Variants in XPR1 observed in about 807,000 individuals in gnomAD.
The protein encoded by XPR1 is xenotropic and polytropic retrovirus receptor 1, also known as solute carrier family 53 member 1.
A neutral mutation model predicts 87.5 loss-of-function variants in XPR1; 28 were observed. That is an observed-to-expected ratio of 0.32 (90% confidence interval 0.24 to 0.44). The LOEUF is 0.44. XPR1 is among the 20% of genes least tolerant of loss of function. The probability of loss-of-function intolerance (pLI) is 1.00; values close to 1 mark genes in which losing one functional copy is unlikely to be tolerated. For synonymous variants in XPR1, 300 were observed against 306.1 expected (o/e 0.98, Z 0.21); for missense variants, 559 against 862.3 (o/e 0.65, Z 4.41).
intron 13 of XPR1, among the ~76,000 whole-genome samples, chr1:180,877,056 C>T (rs967057871): frequency 7.9e-5 from 12 of 152,124 alleles, no homozygotes; most frequent in African/African-American, 2.9e-4. Flanking sequence ...TAAAAACAGT[C>T]ATAACAACTA....
At chr1:180,655,664 G>T in intron 1 of XPR1, among the ~76,000 whole-genome samples, 1 of 151,992 alleles carries the variant, frequency 6.6e-6, no homozygotes, top group East Asian at 1.9e-4. Flanking sequence ...TCTTATGCTA[G>T]ATCCAGTATT....
chr1:180,687,290 A>G (rs988199820), intron 2 of XPR1, among the ~76,000 whole-genome samples: 4 of 152,120 alleles, frequency 2.6e-5, no homozygotes, highest in African/African-American at 4.8e-5. Context: ...TCTTTCAGCT[A>G]TTATTAGAGA....
At chr1:180,684,113 G>A (rs1277016382) in intron 2 of XPR1, among the ~76,000 whole-genome samples, 2 of 152,314 alleles carry the variant, frequency 1.3e-5, no homozygotes, top group East Asian at 1.9e-4. Context: ...TGACATTTAA[G>A]TCTTTAATCC....
At chr1:180,785,941 C>G (rs1298310623) in intron 2 of XPR1, among the ~76,000 whole-genome samples, 2 of 146,962 alleles carry the variant, frequency 1.4e-5, no homozygotes, top group East Asian at 3.9e-4. Flanking sequence ...GCAAACTCAG[C>G]TTTAAAAAAA....
intron 2 of XPR1, among the ~76,000 whole-genome samples, chr1:180,702,010 T>C (rs1435957254): frequency 5.6e-4 from 52 of 93,276 alleles, no homozygotes; most frequent in Non-Finnish European, 8.5e-4. Flanking sequence ...GCTTTTCTAG[T>C]TCTTTTAATT....
intron 2 of XPR1, among the ~76,000 whole-genome samples, chr1:180,693,958 GT>G (rs1657079346): frequency 6.6e-6 from 1 of 152,044 alleles, no homozygotes; most frequent in Non-Finnish European, 1.5e-5. Context: ...AAAAATTTTT[GT>G]TGTTGTTGTT....
At chr1:180,819,562 A>G (rs1221178968) in intron 7 of XPR1, among the ~76,000 whole-genome samples, 5 of 152,282 alleles carry the variant, frequency 3.3e-5, no homozygotes, top group Admixed American at 6.5e-5. Flanking sequence ...TTTTCTTCCT[A>G]TGTAGGACAG....
chr1:180,876,996 A>G (rs1258529079), intron 13 of XPR1, among the ~76,000 whole-genome samples: 1 of 152,262 alleles, frequency 6.6e-6, no homozygotes, highest in Non-Finnish European at 1.5e-5. Flanking sequence ...AATTAGATCT[A>G]ATGTCACAGT....
At position 180,749,639 on chromosome 1, in the gene XPR1, TCACACACA is replaced by T. The variant is rs139363505; in HGVS notation, c.122-38082_122-38075del. Among the ~76,000 whole-genome samples the T allele has an allele frequency of 4.9e-3, 703 of 142,426 alleles. 4 individuals carry two copies. The highest frequency in any genetic ancestry group is 0.016 in the African/African-American group (596 of 38,260). 93.4% of individuals were successfully genotyped at this position (142,426 alleles called of 152,430 possible). A position where few individuals can be genotyped will look rare whatever the true frequency, so the allele number is the denominator to read the frequency against. On this transcript the variant is annotated intron_variant, in intron 2 of 14. Coordinates refer to ENST00000367590, the MANE Select transcript of XPR1 (RefSeq NM_004736.4). ...AAAATTTATAATAAACACATATACA[TCACACACA>T]CACACACACACACACACACACACAC...
intron 9 of XPR1, among the ~76,000 whole-genome samples, chr1:180,825,889 A>T (rs941826586): frequency 6.6e-6 from 1 of 152,158 alleles, no homozygotes; most frequent in South Asian, 2.1e-4. Flanking sequence ...CGTCTCTACT[A>T]AAAATACAAA....
At chr1:180,674,290 G>A (rs559953330) in intron 1 of XPR1, among the ~76,000 whole-genome samples, 1 of 152,234 alleles carries the variant, frequency 6.6e-6, no homozygotes, top group East Asian at 1.9e-4. Flanking sequence ...AGGGAGTCTC[G>A]CTGTGTTGCC....
At chr1:180,674,788 C>T (rs1656311244) in intron 1 of XPR1, among the ~76,000 whole-genome samples, 1 of 152,170 alleles carries the variant, frequency 6.6e-6, no homozygotes, top group Admixed American at 6.5e-5. Context: ...CTCTGTTATG[C>T]TGCCTCACTG....
chr1:180,779,534 C>A (rs939937768), intron 2 of XPR1, among the ~76,000 whole-genome samples: 2 of 152,050 alleles, frequency 1.3e-5, no homozygotes, highest in Non-Finnish European at 2.9e-5. Context: ...GCAGGTAGAT[C>A]ACCTGAGGTC....
intron 2 of XPR1, among the ~76,000 whole-genome samples, chr1:180,746,360 G>A (rs1448966240): frequency 4.6e-5 from 7 of 152,170 alleles, no homozygotes; most frequent in Non-Finnish European, 1.0e-4. Flanking sequence ...TTACAAGTGA[G>A]AACATACAGT....
intron 2 of XPR1, among the ~76,000 whole-genome samples, chr1:180,683,969 C>A (rs1055710683): frequency 2.3e-4 from 35 of 152,002 alleles, no homozygotes; most frequent in Middle Eastern, 6.8e-3. Context: ...TAGTTTAATT[C>A]GATCCCATTT....
rs370666349 is a variant in XPR1, at chr1:180,637,639, C to T, written c.69+5369C>T. On this transcript the variant is annotated intron_variant, in intron 1 of 14. Transcript: ENST00000367590. ...CCTGATCTCAGCTCACTACAACCTCCGTCTCCCAGGTTCAAGCCATTCTTG... is the reference window on the plus strand; with the variant it reads ...CCTGATCTCAGCTCACTACAACCTCTGTCTCCCAGGTTCAAGCCATTCTTG... Among the ~76,000 whole-genome samples, 33 of 152,236 alleles carry T rather than the reference C, an allele frequency of 2.2e-4. No homozygotes were observed. In the East Asian group the frequency reaches 5.4e-3, roughly 25 times the overall value.
Position 180,669,014 on chromosome 1 carries a change from G to A in XPR1, c.70-13346G>A, listed in dbSNP as rs144414364. On this transcript the variant is annotated intron_variant, in intron 1 of 14. Transcript: ENST00000367590. ...TGAGGCAGGAGAATCGCTTGAACCC[G>A]GGAGGCAGAGGTTGCAGAGAGCTGA... Among the ~76,000 whole-genome samples, 213 of 151,756 alleles carry A rather than the reference G, an allele frequency of 1.4e-3. 4 individuals carry two copies. In the East Asian group the frequency reaches 0.038, roughly 27 times the overall value.
chr1:180,792,743 A>C (rs780040497), intron 3 of XPR1, among the ~76,000 whole-genome samples: 1 of 152,058 alleles, frequency 6.6e-6, no homozygotes, highest in East Asian at 1.9e-4. Flanking sequence ...AATGGTATCA[A>C]TCATGAAGGC....
At chr1:180,746,842 A>G (rs1647276189) in intron 2 of XPR1, among the ~76,000 whole-genome samples, 4 of 152,162 alleles carry the variant, frequency 2.6e-5, no homozygotes, top group Admixed American at 2.6e-4. Context: ...AAACCTTTGA[A>G]AGATCTTTTT....
Sources: gnomAD v4.1 joint callset for allele counts (sites outside exome capture counted in the v4.1 genomes callset) on GRCh38, gnomAD v4.1.1 for gene constraint, MANE v1.5 for transcripts, NCBI Gene and HGNC (gene_info 2026-07-23, HGNC 2026-07-21) for gene names.